The following RALYL variants were observed in gnomAD, a reference collection of about 807,000 sequenced individuals.
The protein encoded by RALYL is RNA-binding Raly-like protein.
Under a neutral mutation model 35.1 loss-of-function variants are expected in RALYL, and 29 were observed. The observed-to-expected ratio is 0.83, with a 90% CI of 0.61 to 1.13. The LOEUF is 1.13. Among genes scored for constraint, RALYL ranks in the 50% most tolerant of loss-of-function variants. The pLI, the probability that RALYL is intolerant of heterozygous loss-of-function variation, is 0.00. For missense variants in RALYL, 359 were observed against 360.4 expected (o/e 1.00, Z 0.03); for synonymous variants, 120 against 127.6 (o/e 0.94, Z 0.40).
chr8:84,566,521 C>A (rs1158023481), intron 2 of RALYL, among the ~76,000 whole-genome samples: 8 of 151,550 alleles, frequency 5.3e-5, no homozygotes, highest in Non-Finnish European at 8.9e-5. Flanking sequence ...GTAGTAGACA[C>A]TTTTGCTTTC....
At chr8:84,712,675 C>T (rs998359943) in intron 2 of RALYL, among the ~76,000 whole-genome samples, 3 of 152,058 alleles carry the variant, frequency 2.0e-5, no homozygotes, top group Admixed American at 6.6e-5. Flanking sequence ...GCATAAAAAC[C>T]GTGGCATTTA....
chr8:84,697,035 T>C (rs1043756233), intron 2 of RALYL, among the ~76,000 whole-genome samples: 1 of 151,984 alleles, frequency 6.6e-6, no homozygotes, highest in Non-Finnish European at 1.5e-5. Context: ...GTAGTGTAAT[T>C]ATAACTAAAT....
chr8:84,758,439 G>A (rs891974279), intron 2 of RALYL, among the ~76,000 whole-genome samples: 1 of 152,134 alleles, frequency 6.6e-6, no homozygotes. Flanking sequence ...CTATTTCTGT[G>A]GGTCAGGAAC....
At chr8:84,425,270 C>T (rs6981502) in intron 1 of RALYL, among the ~76,000 whole-genome samples, 5,467 of 152,126 alleles carry the variant, frequency 0.036, 304 homozygotes, top group African/African-American at 0.12. Flanking sequence ...TTTTTTAAGC[C>T]GGTCTGAAAA....
chr8:84,826,781 C>T (rs559355060), intron 4 of RALYL, among the ~76,000 whole-genome samples: 33 of 151,948 alleles, frequency 2.2e-4, no homozygotes, highest in Non-Finnish European at 4.1e-4. Flanking sequence ...CCCACGCCCC[C>T]GCCACACACA....
chr8:84,601,264 C>A (rs1313555864), intron 2 of RALYL, among the ~76,000 whole-genome samples: 1 of 152,080 alleles, frequency 6.6e-6, no homozygotes. Context: ...GAGATGCAGA[C>A]AAGTTATGGC....
chr8:84,692,196 A>G (rs79659590), intron 2 of RALYL, among the ~76,000 whole-genome samples: 323 of 152,114 alleles, frequency 2.1e-3, no homozygotes, highest in African/African-American at 7.2e-3. Flanking sequence ...GCACATTCTC[A>G]CCACTTATAT....
chr8:84,308,913 A>G (rs1471673660), intron 1 of RALYL, among the ~76,000 whole-genome samples: 2 of 152,028 alleles, frequency 1.3e-5, no homozygotes, highest in Non-Finnish European at 2.9e-5. Context: ...AGATATAAAA[A>G]TAAAATGCTA....
rs540914259 is a variant in RALYL, at chr8:84,298,910, G to A, written c.-24+114486G>A. ...CTACTGTATTTTGTACATTGGTTTC[G>A]TATCCTGAAACTTTGCCCAAGTTGT... On this transcript the variant is annotated intron_variant, in intron 1 of 8. Coordinates refer to ENST00000521268, the MANE Select transcript of RALYL (RefSeq NM_173848.7). Among the ~76,000 whole-genome samples, 61 of 152,138 alleles carry A rather than the reference G, an allele frequency of 4.0e-4. No homozygotes were observed. The South Asian group carries it at 4.8e-3, about 12-fold the overall frequency.
chr8:84,224,510 GCACAGAGAA>G, intron 1 of RALYL, among the ~76,000 whole-genome samples: 1 of 152,184 alleles, frequency 6.6e-6, no homozygotes, highest in East Asian at 1.9e-4. Flanking sequence ...TGTTCTCTGT[GCACAGAGAA>G]CACAGAGAAT....
chr8:84,892,610 T>TAAAAAAAAAA (rs766053248), intron 8 of RALYL, among the ~76,000 whole-genome samples: 1 of 122,344 alleles, frequency 8.2e-6, no homozygotes. Flanking sequence ...AACTCTGTCT[T>TAAAAAAAAAA]AAAAAAAAAA....
chr8:84,786,815 C>T (rs548557146), intron 3 of RALYL, among the ~76,000 whole-genome samples: 2 of 152,034 alleles, frequency 1.3e-5, no homozygotes, highest in Non-Finnish European at 2.9e-5. Context: ...TTTTGCTGTG[C>T]AGAAAATCTT....
chr8:84,246,649 C>G (rs1232523991), intron 1 of RALYL, among the ~76,000 whole-genome samples: 1 of 152,130 alleles, frequency 6.6e-6, no homozygotes, highest in Non-Finnish European at 1.5e-5. Flanking sequence ...AGACTGGAGA[C>G]TTAAGCAGGA....
At chr8:84,521,016 T>C (rs1452666543) in intron 1 of RALYL, among the ~76,000 whole-genome samples, 1 of 152,194 alleles carries the variant, frequency 6.6e-6, no homozygotes, top group Non-Finnish European at 1.5e-5. Flanking sequence ...GGGTTCTTAC[T>C]GTTGGATAAT....
intron 1 of RALYL, among the ~76,000 whole-genome samples, chr8:84,273,955 T>G (rs895700150): frequency 6.6e-6 from 1 of 152,322 alleles, no homozygotes; most frequent in Non-Finnish European, 1.5e-5. Flanking sequence ...ATATAAAACA[T>G]GTATTTTATG....
chr8:84,354,065 AT>A (rs11400271), intron 1 of RALYL, among the ~76,000 whole-genome samples: 138 of 144,530 alleles, frequency 9.5e-4, no homozygotes, highest in East Asian at 1.4e-3. Flanking sequence ...TAAAAAATAG[AT>A]TTTTTTTTTT....
At chr8:84,459,343 T>A (rs1025518889) in intron 1 of RALYL, among the ~76,000 whole-genome samples, 2 of 151,610 alleles carry the variant, frequency 1.3e-5, no homozygotes, top group Non-Finnish European at 3.0e-5. Context: ...GAATAGGAAA[T>A]AAAAGGAAAT....
At chr8:84,810,506 G>A (rs772716146) in intron 4 of RALYL, among the ~76,000 whole-genome samples, 3 of 152,130 alleles carry the variant, frequency 2.0e-5, no homozygotes, top group Non-Finnish European at 2.9e-5. Context: ...AAGACCATTT[G>A]TTCCAAGGTA....
chr8:84,594,097 A>G (rs1451341226), intron 2 of RALYL, among the ~76,000 whole-genome samples: 1 of 151,938 alleles, frequency 6.6e-6, no homozygotes, highest in Non-Finnish European at 1.5e-5. Flanking sequence ...CTTTACCTGC[A>G]TTTCTCTACC....
Sources: gnomAD v4.1 joint callset for allele counts (sites outside exome capture counted in the v4.1 genomes callset) on GRCh38, gnomAD v4.1.1 for gene constraint, MANE v1.5 for transcripts, NCBI Gene and HGNC (gene_info 2026-07-23, HGNC 2026-07-21) for gene names.